Variants in MARCHF8 observed in about 807,000 individuals in gnomAD.
The protein encoded by MARCHF8 is membrane associated ring-CH-type finger 8.
MARCHF8 carries 40 observed loss-of-function variants against 51.6 expected under a neutral mutation model. The ratio of observed to expected loss-of-function variants is 0.77; its 90% CI spans 0.60 to 1.01. MARCHF8 has a LOEUF of 1.01. MARCHF8 is among the 50% of genes least tolerant of loss of function. The probability of loss-of-function intolerance (pLI) is 0.00; values close to 1 mark genes in which losing one functional copy is unlikely to be tolerated. For missense variants in MARCHF8, 685 were observed against 708.6 expected, an observed-to-expected ratio of 0.97 and a Z score of 0.38; for synonymous variants, 263 against 280.3, an observed-to-expected ratio of 0.94 and a Z score of 0.62.
chr10:45,476,064 G>A (rs1470651382), intron 3 of MARCHF8, among the ~76,000 whole-genome samples: 1 of 152,116 alleles, frequency 6.6e-6, no homozygotes, highest in Non-Finnish European at 1.5e-5. Flanking sequence ...ACACCCTCAG[G>A]AAAAACTCCT....
At position 45,461,402 on chromosome 10, in the gene MARCHF8, G is replaced by A; in HGVS notation, c.1098C>T (p.His366=). The change falls in exon 6 of 8, where the codon CAC becomes CAT. Residue 366 remains histidine, a synonymous_variant. Transcript: ENST00000453424. Reference sequence around the variant, plus strand: ...GGGGGCTCTCATCATCTCCTTCACAGTGGCAGATCCTATGGTGGAAGGAAA... The same window carrying A: ...GGGGGCTCTCATCATCTCCTTCACAATGGCAGATCCTATGGTGGAAGGAAA... The part of the protein sequence containing the change: ...STSGDVCRIC[H]CEGDDESPLI... 3 of 1,573,384 alleles carry A rather than the reference G, an allele frequency of 1.9e-6. No homozygotes were observed. The highest frequency in any genetic ancestry group is 2.6e-6 in the Non-Finnish European group (3 of 1,162,262).
chr10:45,514,282 A>G (rs1044809784), intron 2 of MARCHF8, among the ~76,000 whole-genome samples: 2 of 152,268 alleles, frequency 1.3e-5, no homozygotes, highest in Admixed American at 1.3e-4. Flanking sequence ...GCCTAATGGC[A>G]TCCCTGAATC....
At chr10:45,561,420 G>A (rs1405742715) in intron 1 of MARCHF8, among the ~76,000 whole-genome samples, 2 of 151,596 alleles carry the variant, frequency 1.3e-5, no homozygotes, top group Non-Finnish European at 2.9e-5. Context: ...GATTACAGGC[G>A]TGTGCCACCA....
At chr10:45,562,149 AGAATAGACT>A (rs1206479383) in intron 1 of MARCHF8, among the ~76,000 whole-genome samples, 1 of 152,180 alleles carries the variant, frequency 6.6e-6, no homozygotes, top group African/African-American at 2.4e-5. Flanking sequence ...AGGGACATAA[AGAATAGACT>A]GAGATGGACT....
intron 3 of MARCHF8, among the ~76,000 whole-genome samples, chr10:45,479,276 T>C (rs2042842950): frequency 6.6e-6 from 1 of 152,138 alleles, no homozygotes; most frequent in Admixed American, 6.5e-5. Flanking sequence ...AGAAAAGGCA[T>C]TTGGTAAAAT....
rs149316905 is a variant in MARCHF8 at position 45,477,624 on chromosome 10, CTGAA to C, written c.153+11739_153+11742del. ...TTTCCACTGGAAAGACAGAGACTGG[CTGAA>C]TGGATTTAAAAAAACATTACTCAAC... is the stretch of plus-strand genomic sequence containing the variant. On this transcript the variant is annotated intron_variant, in intron 3 of 7. Coordinates refer to ENST00000453424, the MANE Select transcript of MARCHF8 (RefSeq NM_001282866.2). Among the ~76,000 whole-genome samples, 572 of 152,236 alleles carry C rather than the reference CTGAA, an allele frequency of 3.8e-3. 11 individuals carry two copies. The East Asian group carries it at 0.052, about 14-fold the overall frequency.
intron 1 of MARCHF8, among the ~76,000 whole-genome samples, chr10:45,550,417 G>A (rs143742993): frequency 2.4e-4 from 37 of 152,180 alleles, no homozygotes; most frequent in African/African-American, 8.4e-4. Context: ...CAGAAAAATC[G>A]AAGGCAATTA....
chr10:45,495,240 T>C (rs1367602729), intron 2 of MARCHF8, among the ~76,000 whole-genome samples: 1 of 152,078 alleles, frequency 6.6e-6, no homozygotes, highest in East Asian at 1.9e-4. Flanking sequence ...AAACTATATC[T>C]CTTAATTCAT....
At chr10:45,586,093 C>T (rs1407551564) in intron 1 of MARCHF8, among the ~76,000 whole-genome samples, 1 of 152,126 alleles carries the variant, frequency 6.6e-6, no homozygotes, top group Non-Finnish European at 1.5e-5. Context: ...ATGCACCCAT[C>T]TTAAGCATAA....
chr10:45,561,143 C>T (rs2044305773), intron 1 of MARCHF8, among the ~76,000 whole-genome samples: 1 of 151,884 alleles, frequency 6.6e-6, no homozygotes, highest in Admixed American at 6.6e-5. Context: ...AAAAATAAAT[C>T]TGGAAAAATA....
At chr10:45,510,525 A>T (rs575144198) in intron 2 of MARCHF8, among the ~76,000 whole-genome samples, 23 of 152,330 alleles carry the variant, frequency 1.5e-4, no homozygotes, top group African/African-American at 4.3e-4. Flanking sequence ...AAACAATTAC[A>T]TCACAGAAGT....
chr10:45,508,928 T>G (rs891316610), intron 2 of MARCHF8, among the ~76,000 whole-genome samples: 12 of 152,208 alleles, frequency 7.9e-5, no homozygotes, highest in African/African-American at 2.7e-4. Flanking sequence ...AGATCCTTCA[T>G]TTTTTGAAAA....
At chr10:45,521,570 C>T (rs2043706783) in intron 2 of MARCHF8, among the ~76,000 whole-genome samples, 1 of 152,154 alleles carries the variant, frequency 6.6e-6, no homozygotes, top group Non-Finnish European at 1.5e-5. Flanking sequence ...GCCTCCCAGA[C>T]ATGGTGCAAA....
At chr10:45,565,307 T>C (rs1294936627) in intron 1 of MARCHF8, among the ~76,000 whole-genome samples, 1 of 152,092 alleles carries the variant, frequency 6.6e-6, no homozygotes, top group African/African-American at 2.4e-5. Context: ...GGTGCATGCC[T>C]GTAGTCCCAG....
chr10:45,582,950 CAG>C (rs1230421688), intron 1 of MARCHF8, among the ~76,000 whole-genome samples: 1 of 152,094 alleles, frequency 6.6e-6, no homozygotes, highest in African/African-American at 2.4e-5. Context: ...TAACCACAGT[CAG>C]AGAGTGGGAA....
At chr10:45,583,949 T>C (rs1482295811) in intron 1 of MARCHF8, among the ~76,000 whole-genome samples, 1 of 131,476 alleles carries the variant, frequency 7.6e-6, no homozygotes. Context: ...GAGGTTGCAG[T>C]GAGCCAAGAT....
chr10:45,574,407 AT>A (rs1352784777), intron 1 of MARCHF8, among the ~76,000 whole-genome samples: 2 of 152,010 alleles, frequency 1.3e-5, no homozygotes, highest in African/African-American at 4.8e-5. Context: ...ATACTCTCCT[AT>A]CCTCAATACC....
At chr10:45,469,792 G>A (rs1002830459) in intron 3 of MARCHF8, among the ~76,000 whole-genome samples, 2 of 149,704 alleles carry the variant, frequency 1.3e-5, no homozygotes, top group African/African-American at 4.9e-5. Flanking sequence ...GTGAACCCGG[G>A]AGGCGGAGCT....
At chr10:45,535,549 A>G (rs2133288138), upstream of MARCHF8, among the ~76,000 whole-genome samples, 1 of 152,308 alleles carries the variant, frequency 6.6e-6, no homozygotes, top group South Asian at 2.1e-4. Context: ...TAGTCTTTTG[A>G]TATGTACCAC....
Sources: gnomAD v4.1 joint callset for allele counts (sites outside exome capture counted in the v4.1 genomes callset) on GRCh38, gnomAD v4.1.1 for gene constraint, MANE v1.5 for transcripts, NCBI Gene and HGNC (gene_info 2026-07-23, HGNC 2026-07-21) for gene names.